Variants in IL1RAP observed in about 807,000 individuals in gnomAD.
IL1RAP encodes the protein interleukin 1 receptor accessory protein.
In IL1RAP, 35 loss-of-function variants were observed where a neutral mutation model predicts 60.7. The ratio of observed to expected loss-of-function variants is 0.58; its 90% CI spans 0.44 to 0.76. The LOEUF (loss-of-function observed/expected upper bound fraction) is 0.76, where lower values mean the gene tolerates loss of function less well. Ranked by LOEUF, IL1RAP falls within the 30% of genes least tolerant of loss-of-function variation. The pLI is 0.00. For synonymous variants in IL1RAP, 268 were observed against 250.9 expected (o/e 1.07, Z -0.64); for missense variants, 572 against 693.9 (o/e 0.82, Z 1.97).
At chr3:190,580,679 C>T (rs778424356) in intron 3 of IL1RAP, among the ~76,000 whole-genome samples, 3 of 152,114 alleles carry the variant, frequency 2.0e-5, no homozygotes, top group Non-Finnish European at 4.4e-5. Flanking sequence ...TCAAAGGGTG[C>T]AAAGTTTCAG....
At position 190,580,115 on chromosome 3, in the gene IL1RAP, G is replaced by C. The variant is rs866754939; in HGVS notation, c.64+15762G>C. Among the ~76,000 whole-genome samples the C allele has an allele frequency of 2.0e-5, 3 of 152,278 alleles. No individual in the cohort carries two copies. The East Asian group carries it at 5.8e-4, about 29-fold the overall frequency. The stretch of plus-strand genomic sequence containing the variant: ...GCTGTAAGTTGAATTACTGGATCAA[G>C]GTAACTCTATGCTTAACATTTTGAA... On this transcript the variant is annotated intron_variant, in intron 3 of 11. Transcript: ENST00000447382.
chr3:190,580,091 C>A (rs1727857870), intron 3 of IL1RAP, among the ~76,000 whole-genome samples: 1 of 152,152 alleles, frequency 6.6e-6, no homozygotes, highest in South Asian at 2.1e-4. Flanking sequence ...GGGTATATAG[C>A]TGTAAGTTGA....
chr3:190,651,546 G>C (rs1445110273), downstream of IL1RAP: 1 of 239,476 alleles, frequency 4.2e-6, no homozygotes, highest in African/African-American at 2.3e-5. Flanking sequence ...TATGTCATTT[G>C]GTCATTTGGT....
chr3:190,576,164 A>T (rs562029478), intron 3 of IL1RAP, among the ~76,000 whole-genome samples: 33 of 152,356 alleles, frequency 2.2e-4, no homozygotes, highest in African/African-American at 7.9e-4. Flanking sequence ...AGTAGAAAAA[A>T]TACATGCAAA....
intron 1 of IL1RAP, among the ~76,000 whole-genome samples, chr3:190,535,593 T>A (rs150364010): frequency 6.6e-6 from 1 of 152,336 alleles, no homozygotes; most frequent in East Asian, 1.9e-4. Context: ...TACATTCACA[T>A]TTCTGATCAC....
At chr3:190,610,414 T>C (rs1730722195) in intron 5 of IL1RAP, among the ~76,000 whole-genome samples, 1 of 151,632 alleles carries the variant, frequency 6.6e-6, no homozygotes, top group African/African-American at 2.4e-5. Flanking sequence ...AAATAAATCA[T>C]TTTAGAAATG....
intron 3 of IL1RAP, among the ~76,000 whole-genome samples, chr3:190,585,148 A>G (rs1478416216): frequency 6.6e-6 from 1 of 152,214 alleles, no homozygotes; most frequent in Non-Finnish European, 1.5e-5. Flanking sequence ...ACATCCTACA[A>G]ACTGTAACAA....
chr3:190,592,501 G>C (rs746375816), intron 3 of IL1RAP, among the ~76,000 whole-genome samples: 9 of 152,170 alleles, frequency 5.9e-5, no homozygotes, highest in Non-Finnish European at 1.2e-4. Flanking sequence ...TATGGAAACA[G>C]CCTGGAGACC....
At chr3:190,570,607 C>T (rs1726829892) in intron 3 of IL1RAP, among the ~76,000 whole-genome samples, 1 of 152,060 alleles carries the variant, frequency 6.6e-6, no homozygotes. Context: ...GCTCTTGTTG[C>T]CAGGCTGGAG....
intron 2 of IL1RAP, among the ~76,000 whole-genome samples, chr3:190,560,640 T>C (rs1725804195): frequency 1.3e-5 from 2 of 152,138 alleles, no homozygotes; most frequent in Non-Finnish European, 2.9e-5. Context: ...GAACAAATGG[T>C]GATTCATGGC....
chr3:190,519,889 T>C (rs1050457448), intron 1 of IL1RAP, among the ~76,000 whole-genome samples: 61 of 152,318 alleles, frequency 4.0e-4, no homozygotes, highest in African/African-American at 1.4e-3. Flanking sequence ...AATCTGTGTG[T>C]CAATCATCTT....
intron 3 of IL1RAP, among the ~76,000 whole-genome samples, chr3:190,566,607 A>G (rs1037976299): frequency 7.9e-5 from 12 of 152,164 alleles, no homozygotes; most frequent in African/African-American, 1.2e-4. Context: ...TACCAGCCAC[A>G]TTGCGTCACC....
chr3:190,648,521 A>G lies in IL1RAP; in HGVS notation c.1529A>G (p.Lys510Arg), dbSNP rs372375371. 11 of 1,614,018 alleles carry G rather than the reference A, an allele frequency of 6.8e-6. No homozygotes were observed. The African/African-American group carries it at 1.3e-4, about 20-fold the overall frequency. ...LVQYKAVKET[K>R]VKELKRAKTV... ...CAGTACAAAGCTGTGAAGGAAACGA[A>G]GGTGAAAGAGCTGAAGAGGGCTAAG... Residue 510 changes from lysine (K) to arginine (R), a missense_variant, in exon 12 of 12, where the codon AAG (lysine) becomes AGG (arginine). Coordinates refer to ENST00000447382, the MANE Select transcript of IL1RAP (RefSeq NM_002182.4).
intron 11 of IL1RAP, among the ~76,000 whole-genome samples, chr3:190,646,112 G>A (rs1018060109): frequency 2.0e-5 from 3 of 152,138 alleles, no homozygotes; most frequent in African/African-American, 7.2e-5. Flanking sequence ...CTCTGTTAAA[G>A]GGCCATAGCT....
In IL1RAP at chr3:190,523,416, C is replaced by A. The variant is rs183685978; in HGVS notation, c.-89+9197C>A. On this transcript the variant is annotated intron_variant, in intron 1 of 11. Transcript: ENST00000447382. ...CAGGGGTACATGTGCAGGTTTGTTA[C>A]ATAGGTAACCTTGTGTCGTGGGGAT... Among the ~76,000 whole-genome samples, 225 of 152,178 alleles carry A rather than the reference C, an allele frequency of 1.5e-3. 2 individuals carry two copies. The highest frequency in any genetic ancestry group is 5.1e-3 in the African/African-American group (212 of 41,504).
chr3:190,533,861 A>C (rs1340630893), intron 1 of IL1RAP, among the ~76,000 whole-genome samples: 4 of 152,184 alleles, frequency 2.6e-5, no homozygotes, highest in Non-Finnish European at 4.4e-5. Context: ...TGCGGTTGGC[A>C]GCATATGAGA....
chr3:190,529,383 T>C (rs931612466), intron 1 of IL1RAP, among the ~76,000 whole-genome samples: 1 of 148,990 alleles, frequency 6.7e-6, no homozygotes, highest in African/African-American at 2.4e-5. Context: ...GTGAAACCCC[T>C]TCTCTACTAA....
chr3:190,618,562 A>G (rs1469623481), intron 5 of IL1RAP, among the ~76,000 whole-genome samples: 8 of 152,212 alleles, frequency 5.3e-5, no homozygotes, highest in Non-Finnish European at 1.0e-4. Flanking sequence ...TCTACTTCAC[A>G]GGAGTTTCAG....
At chr3:190,532,060 T>C (rs1394130279) in intron 1 of IL1RAP, among the ~76,000 whole-genome samples, 1 of 152,144 alleles carries the variant, frequency 6.6e-6, no homozygotes, top group Non-Finnish European at 1.5e-5. Context: ...GGCTTTCTAG[T>C]TCTGGCATAG....
Sources: gnomAD v4.1 joint callset for allele counts (sites outside exome capture counted in the v4.1 genomes callset) on GRCh38, gnomAD v4.1.1 for gene constraint, MANE v1.5 for transcripts, NCBI Gene and HGNC (gene_info 2026-07-23, HGNC 2026-07-21) for gene names.